The following HNF4G variants were observed in gnomAD, a reference collection of about 807,000 sequenced individuals.
HNF4G encodes hepatocyte nuclear factor 4-gamma.
A neutral mutation model predicts 50.9 loss-of-function variants in HNF4G; 21 were observed. The ratio of observed to expected loss-of-function variants is 0.41; its 90% CI spans 0.29 to 0.59. The LOEUF is 0.59. HNF4G is among the 20% of genes least tolerant of loss of function. The probability of loss-of-function intolerance (pLI) is 0.26; values close to 1 mark genes in which losing one functional copy is unlikely to be tolerated. For synonymous variants in HNF4G, 198 were observed against 185.6 expected, an observed-to-expected ratio of 1.07 and a Z score of -0.54; for missense variants, 527 against 559.4, an observed-to-expected ratio of 0.94 and a Z score of 0.58.
At chr8:75,477,477 C>T (rs1812266479) in intron 1 of HNF4G, among the ~76,000 whole-genome samples, 1 of 152,018 alleles carries the variant, frequency 6.6e-6, no homozygotes, top group Middle Eastern at 3.2e-3. Context: ...TTTGGAAACA[C>T]ATGTAAAGAG....
upstream of HNF4G, among the ~76,000 whole-genome samples, chr8:75,537,472 C>T (rs1806496705): frequency 6.6e-6 from 1 of 152,134 alleles, no homozygotes; most frequent in East Asian, 1.9e-4. Flanking sequence ...TCTCAAACTC[C>T]TGGGCTCAAG....
Position 75,433,607 on chromosome 8 carries a change from C to T in HNF4G, c.-144+25445C>T, listed in dbSNP as rs145831203. On this transcript the variant is annotated intron_variant, in intron 1 of 10. Coordinates refer to the HNF4G transcript ENST00000354370. ...GACAAGATCTCACTACTGTGTTGCA[C>T]GGGCTGGTCTCAAACTCCTGGGCTT... is the stretch of plus-strand genomic sequence containing the variant. Among the ~76,000 whole-genome samples, 53 of 152,158 alleles carry T rather than the reference C, an allele frequency of 3.5e-4. No individual in the cohort carries two copies. In the East Asian group the frequency reaches 7.9e-3, roughly 23 times the overall value.
At chr8:75,526,927 T>C (rs1031908797) in intron 2 of HNF4G, 5 of 151,742 alleles carry the variant, frequency 3.3e-5, no homozygotes, top group Non-Finnish European at 4.4e-5. Flanking sequence ...CCACCACGCC[T>C]GGATAATTTT....
chr8:75,521,275 A>G (rs1806034483), intron 2 of HNF4G, among the ~76,000 whole-genome samples: 1 of 152,256 alleles, frequency 6.6e-6, no homozygotes, highest in African/African-American at 2.4e-5. Flanking sequence ...AGCCCAAGCT[A>G]AAATTCCCTG....
intron 1 of HNF4G, among the ~76,000 whole-genome samples, chr8:75,467,033 G>A (rs1225405425): frequency 6.6e-6 from 1 of 151,940 alleles, no homozygotes; most frequent in African/African-American, 2.4e-5. Flanking sequence ...TTTAATTTGA[G>A]GAGTATACTT....
intron 1 of HNF4G, among the ~76,000 whole-genome samples, chr8:75,457,757 G>T (rs1811755897): frequency 6.6e-6 from 1 of 151,966 alleles, no homozygotes; most frequent in Non-Finnish European, 1.5e-5. Flanking sequence ...GTCTAGCTCT[G>T]CATAAAGATA....
intron 2 of HNF4G, among the ~76,000 whole-genome samples, chr8:75,506,847 TCAACAA>T (rs35739290): frequency 2.0e-4 from 30 of 151,264 alleles, no homozygotes; most frequent in Admixed American, 3.9e-4. Context: ...TGGCAGATCA[TCAACAA>T]CAACAACAAC....
At position 75,549,847 on chromosome 8, in the gene HNF4G, A is replaced by G. The variant is rs891549860; in HGVS notation, c.383-1541A>G. ...ATTGTTCAATTCCCATCTATGAGTGAGAACATGTGATGTTTGGTTTTTTGT... is the reference window on the plus strand; with the variant it reads ...ATTGTTCAATTCCCATCTATGAGTGGGAACATGTGATGTTTGGTTTTTTGT... On this transcript the variant is annotated intron_variant, in intron 3 of 9. Coordinates refer to ENST00000396423, the MANE Select transcript of HNF4G (RefSeq NM_004133.5). 3.3e-5 allele frequency among the ~76,000 whole-genome samples: 5 copies of G among 151,894 alleles called. 1 individual carries two copies. The highest frequency in any genetic ancestry group is 3.3e-4 in the Admixed American group (5 of 15,266).
chr8:75,555,118 C>T (rs1157259211), intron 5 of HNF4G, among the ~76,000 whole-genome samples: 1 of 152,124 alleles, frequency 6.6e-6, no homozygotes, highest in East Asian at 1.9e-4. Context: ...CAATAAGAAA[C>T]CATTCAAAGA....
intron 1 of HNF4G, among the ~76,000 whole-genome samples, chr8:75,476,131 T>C (rs1212394238): frequency 6.6e-6 from 1 of 152,174 alleles, no homozygotes; most frequent in African/African-American, 2.4e-5. Flanking sequence ...CCTGTGTCTA[T>C]TGTTTCCATC....
At chr8:75,423,335 CT>C (rs34511777) in intron 1 of HNF4G, among the ~76,000 whole-genome samples, 6,424 of 94,334 alleles carry the variant, frequency 0.068, 34 homozygotes, top group Middle Eastern at 0.13. Flanking sequence ...TTTTCTTTAT[CT>C]TTTTTTTTTT....
chr8:75,492,839 T>A (rs1812666397), intron 2 of HNF4G, among the ~76,000 whole-genome samples: 1 of 152,120 alleles, frequency 6.6e-6, no homozygotes, highest in Admixed American at 6.6e-5. Flanking sequence ...TGATTTCTCC[T>A]GAGAAAAAGT....
chr8:75,437,109 AT>A (rs1811158335), intron 1 of HNF4G, among the ~76,000 whole-genome samples: 1 of 152,244 alleles, frequency 6.6e-6, no homozygotes, highest in African/African-American at 2.4e-5. Flanking sequence ...CTGCAATGGC[AT>A]TCCAAAAGCT....
chr8:75,416,651 A>T (rs939596735), intron 1 of HNF4G, among the ~76,000 whole-genome samples: 1 of 152,202 alleles, frequency 6.6e-6, no homozygotes, highest in Non-Finnish European at 1.5e-5. Flanking sequence ...TTGTGTGATC[A>T]GTTCAAAATC....
chr8:75,527,231 G>A (rs1427968083), intron 2 of HNF4G: 2 of 87,842 alleles, frequency 2.3e-5, no homozygotes, highest in South Asian at 8.5e-4. Context: ...GAGAAAATAT[G>A]TGACTTATAG....
Position 75,563,836 on chromosome 8 carries a change from T to A in HNF4G, c.1247-139T>A, listed in dbSNP as rs376904381. On this transcript the variant is annotated intron_variant, in intron 9 of 9. Coordinates refer to ENST00000396423, the MANE Select transcript of HNF4G (RefSeq NM_004133.5). ...AGTACGTCATGGGCCAATAATGCATTCTACAAATCACTATTCTGTGTAGGA... is the reference window on the plus strand; with the variant it reads ...AGTACGTCATGGGCCAATAATGCATACTACAAATCACTATTCTGTGTAGGA... 5.7e-4 allele frequency: 497 copies of A among 876,180 alleles called. 2 individuals are homozygous for A. In the African/African-American group the frequency reaches 7.9e-3, roughly 14 times the overall value. 54.3% of individuals were successfully genotyped at this position (876,180 alleles called of 1,614,324 possible).
In HNF4G at chr8:75,553,024, T is replaced by C; in HGVS notation, c.490-18T>C. 1.3e-6 allele frequency: 2 copies of C among 1,579,986 alleles called. No individual in the cohort carries two copies. Among genetic ancestry groups the C allele is most frequent in the Non-Finnish European group, 1.7e-6 (2 of 1,158,296 alleles). On this transcript the variant is annotated intron_variant, in intron 4 of 9. Transcript: ENST00000396423. ...TCTATTATTTTAAATGATAATATAATGCTTTTCTTAATACTAGATCTCAGT... is the reference window on the plus strand; with the variant it reads ...TCTATTATTTTAAATGATAATATAACGCTTTTCTTAATACTAGATCTCAGT...
At chr8:75,498,862 C>T (rs539298084) in intron 2 of HNF4G, among the ~76,000 whole-genome samples, 1 of 152,098 alleles carries the variant, frequency 6.6e-6, no homozygotes, top group Admixed American at 6.6e-5. Flanking sequence ...AGAAACAACA[C>T]TTAAAAAGCC....
At chr8:75,551,330 A>G in intron 3 of HNF4G, 58 bp from the exon 4 acceptor site, 3 of 950,126 alleles carry the variant, frequency 3.2e-6, no homozygotes. Flanking sequence ...CTTAAAATCT[A>G]TATTCTAACA....
Sources: gnomAD v4.1 joint callset for allele counts (sites outside exome capture counted in the v4.1 genomes callset) on GRCh38, gnomAD v4.1.1 for gene constraint, MANE v1.5 for transcripts, NCBI Gene and HGNC (gene_info 2026-07-23, HGNC 2026-07-21) for gene names.